FNIP2: variants seen among roughly 807,000 people sequenced by gnomAD.
FNIP2 encodes the protein folliculin-interacting protein 2.
Under a neutral mutation model 108.7 loss-of-function variants are expected in FNIP2, and 32 were observed. The ratio of observed to expected loss-of-function variants is 0.29; its 90% CI spans 0.22 to 0.40. The LOEUF (loss-of-function observed/expected upper bound fraction) is 0.40. Among genes scored for constraint, FNIP2 ranks in the 10% least tolerant of loss-of-function variants. The pLI is 1.00. For synonymous variants in FNIP2, 480 were observed against 496.7 expected, an observed-to-expected ratio of 0.97 and a Z score of 0.45; for missense variants, 1,202 against 1,381.6, an observed-to-expected ratio of 0.87 and a Z score of 2.06.
Position 158,866,002 on chromosome 4 carries a change from G to A in FNIP2, c.1466-2100G>A, listed in dbSNP as rs868673565. Among the ~76,000 whole-genome samples, 18 of 151,090 alleles carry A rather than the reference G, an allele frequency of 1.2e-4. 1 individual carries two copies. Among genetic ancestry groups the A allele is most frequent in the Middle Eastern group, 3.4e-3 (1 of 294 alleles). Reference sequence around the variant, plus strand: ...TATTTCTTAATGGGTCCCAGGGGGAGGTACTTTCCGATGGTTCTCATAACT... The same window carrying A: ...TATTTCTTAATGGGTCCCAGGGGGAAGTACTTTCCGATGGTTCTCATAACT... On this transcript the variant is annotated intron_variant, in intron 12 of 16. Transcript: ENST00000264433.
intron 1 of FNIP2, among the ~76,000 whole-genome samples, chr4:158,798,768 C>A (rs1776670163): frequency 6.6e-6 from 1 of 152,132 alleles, no homozygotes; most frequent in African/African-American, 2.4e-5. Context: ...TTTGTTTAAT[C>A]CCATTTGGTG....
chr4:158,887,984 A>C (rs1375995618), intron 14 of FNIP2, among the ~76,000 whole-genome samples: 38 of 152,200 alleles, frequency 2.5e-4, no homozygotes. Context: ...CTTTAGCTTC[A>C]ACTCTCTGAC....
chr4:158,892,621 A>G (rs1477958554), intron 15 of FNIP2, among the ~76,000 whole-genome samples: 1 of 152,150 alleles, frequency 6.6e-6, no homozygotes, highest in African/African-American at 2.4e-5. Context: ...GTGGTGATGA[A>G]CACTTAAAAA....
chr4:158,799,697 A>G (rs369584852), intron 1 of FNIP2, among the ~76,000 whole-genome samples: 1 of 152,234 alleles, frequency 6.6e-6, no homozygotes, highest in Non-Finnish European at 1.5e-5. Context: ...TTAAACTTTA[A>G]AAGTTATGTA....
chr4:158,833,562 C>G lies in FNIP2; in HGVS notation c.589C>G (p.Pro197Ala). Residue 197 changes from proline (P) to alanine (A), a missense_variant, in exon 6 of 17, where the codon CCT (proline) becomes GCT (alanine). Coordinates refer to ENST00000264433, the MANE Select transcript of FNIP2 (RefSeq NM_020840.3). ...CAGCTTTGAGTACATCAACCAAGAT[C>G]CTAATTTGGGAAAACTGAACACAAA... The part of the protein sequence containing the change: ...QDSFEYINQD[P>A]NLGKLNTNQN... 7.5e-6 allele frequency: 12 copies of G among 1,609,330 alleles called. No homozygotes were observed. The highest frequency in any genetic ancestry group is 1.0e-5 in the Non-Finnish European group (12 of 1,178,614).
At chr4:158,881,678 C>A (rs1471071291) in intron 14 of FNIP2, among the ~76,000 whole-genome samples, 1 of 152,254 alleles carries the variant, frequency 6.6e-6, no homozygotes, top group Non-Finnish European at 1.5e-5. Flanking sequence ...GTCTCCAGCT[C>A]CTAACCGCGA....
chr4:158,904,644 G>GCAAA lies in FNIP2; in HGVS notation c.*103_*106dup, dbSNP rs1340243292. ...CTGTGATGTCAAAAGCATGAGAAGA[G>GCAAA]CAAACAGAAACAGTCATTCCACCTT... On this transcript the variant is annotated 3_prime_UTR_variant, in exon 17 of 17. Transcript: ENST00000264433. 1.3e-5 allele frequency: 14 copies of GCAAA among 1,049,314 alleles called. No individual in the cohort carries two copies. Among genetic ancestry groups the GCAAA allele is most frequent in the South Asian group, 4.1e-5 (3 of 73,886 alleles). 65.0% of individuals were successfully genotyped at this position (1,049,314 alleles called of 1,614,324 possible).
At chr4:158,852,225 A>G (rs532063669) in intron 8 of FNIP2, among the ~76,000 whole-genome samples, 1 of 152,298 alleles carries the variant, frequency 6.6e-6, no homozygotes, top group South Asian at 2.1e-4. Context: ...GGATGGAGAA[A>G]ATACAGTGAT....
At chr4:158,805,105 G>A (rs1299151256) in intron 1 of FNIP2, among the ~76,000 whole-genome samples, 2 of 152,130 alleles carry the variant, frequency 1.3e-5, no homozygotes, top group Non-Finnish European at 2.9e-5. Flanking sequence ...TACATTAAAA[G>A]TAATGGCAAA....
chr4:158,868,258 A>G lies in FNIP2; in HGVS notation c.1622A>G (p.His541Arg), dbSNP rs759361761. The G allele has an allele frequency of 6.8e-6, 11 of 1,614,082 alleles. No individual in the cohort carries two copies. Among genetic ancestry groups the G allele is most frequent in the Non-Finnish European group, 9.3e-6 (11 of 1,179,904 alleles). The change falls in exon 13 of 17, where the codon CAT (histidine) becomes CGT (arginine). Residue 541 changes from histidine to arginine, a missense_variant. By Grantham distance (29) the His-to-Arg change is conservative. Around this residue, in one of 5 missense-constraint regions of FNIP2, gnomAD observed 878 missense variants for 990.3 expected, o/e 0.89. Transcript: ENST00000264433. The surrounding 1 kb of genome is among the most constrained non-coding windows in gnomAD (Gnocchi z 4.6). ...AACCAGCTGACCTGGAGTGGCAATC[A>G]TGGTGAAGGTGACCAAGTTTTAAAT... ...QENQLTWSGN[H>R]GEGDQVLNGS...
intron 1 of FNIP2, among the ~76,000 whole-genome samples, chr4:158,798,649 G>T (rs1776666333): frequency 6.6e-6 from 1 of 152,368 alleles, no homozygotes; most frequent in South Asian, 2.1e-4. Context: ...GATGAAGTGA[G>T]TGGAGTTTTA....
At chr4:158,862,237 G>A (rs1473975198) in intron 12 of FNIP2, among the ~76,000 whole-genome samples, 1 of 151,690 alleles carries the variant, frequency 6.6e-6, no homozygotes, top group Non-Finnish European at 1.5e-5. Context: ...CCACAGAAAA[G>A]CACCTCATCC....
intron 14 of FNIP2, chr4:158,890,320 C>T: frequency 1.0e-6 from 1 of 984,898 alleles, no homozygotes; most frequent in Non-Finnish European, 1.2e-6. Flanking sequence ...ACCCTATTAC[C>T]AGGGTTTTTC....
intron 2 of FNIP2, among the ~76,000 whole-genome samples, chr4:158,827,353 G>A (rs1778213661): frequency 6.6e-6 from 1 of 152,228 alleles, no homozygotes; most frequent in Admixed American, 6.5e-5. Context: ...AGTGGTGGCA[G>A]GTGGAGGGGA....
At chr4:158,852,625 C>T (rs1248581092) in intron 8 of FNIP2, among the ~76,000 whole-genome samples, 1 of 152,118 alleles carries the variant, frequency 6.6e-6, no homozygotes, top group Non-Finnish European at 1.5e-5. Flanking sequence ...TAAATCAAGT[C>T]CGGTGTTTAG....
At chr4:158,873,464 C>G (rs1781079619) in intron 14 of FNIP2, among the ~76,000 whole-genome samples, 1 of 152,054 alleles carries the variant, frequency 6.6e-6, no homozygotes, top group Non-Finnish European at 1.5e-5. Flanking sequence ...CTGCCTCATT[C>G]TCCCAAGTAG....
chr4:158,795,383 GAAATT>G (rs1776553341), intron 1 of FNIP2, among the ~76,000 whole-genome samples: 1 of 152,210 alleles, frequency 6.6e-6, no homozygotes, highest in African/African-American at 2.4e-5. Context: ...AAACACAAAA[GAAATT>G]AAAGGTGTGG....
rs1050373218 is a variant in FNIP2, at chr4:158,777,638, G to A, written c.107+8319G>A. 1.1e-4 allele frequency among the ~76,000 whole-genome samples: 16 copies of A among 152,270 alleles called. No individual in the cohort carries two copies. The East Asian group carries it at 3.1e-3, about 29-fold the overall frequency. On this transcript the variant is annotated intron_variant, in intron 1 of 16. Coordinates refer to ENST00000264433, the MANE Select transcript of FNIP2 (RefSeq NM_020840.3). Reference sequence around the variant, plus strand: ...GTTGCTAGGGCAGAAGGGGGCGGCCGGAACTACTGGCCCTGCCCTACCCAG... The same window carrying A: ...GTTGCTAGGGCAGAAGGGGGCGGCCAGAACTACTGGCCCTGCCCTACCCAG...
At chr4:158,859,759 G>T (rs908713365) in intron 10 of FNIP2, 93 bp downstream of exon 10, 6 of 1,062,034 alleles carry the variant, frequency 5.6e-6, no homozygotes, top group African/African-American at 1.6e-5. Context: ...TGGGGGCCTG[G>T]CAGTTATTCC....
Sources: gnomAD v4.1 joint callset for allele counts (sites outside exome capture counted in the v4.1 genomes callset) on GRCh38, gnomAD v4.1.1 for gene constraint, gnomAD v4.1.1 regional missense constraint, Gnocchi (gnomAD v3.1) non-coding constraint, MANE v1.5 for transcripts, NCBI Gene and HGNC (gene_info 2026-07-23, HGNC 2026-07-21) for gene names.